The following STAG1 variants were observed in gnomAD, a reference collection of about 807,000 sequenced individuals.
STAG1 encodes the protein cohesin subunit SA-1.
STAG1 carries 26 observed loss-of-function variants against 170.9 expected under a neutral mutation model. That is an observed-to-expected ratio of 0.15 (90% CI 0.11 to 0.21). The LOEUF is 0.21. Among genes scored for constraint, STAG1 ranks in the 10% least tolerant of loss-of-function variants. The pLI is 1.00. For synonymous variants in STAG1, 514 were observed against 497.7 expected (o/e 1.03, Z -0.44); for missense variants, 964 against 1,509.5 (o/e 0.64, Z 5.99).
chr3:136,595,312 C>T (rs956833948), intron 4 of STAG1, among the ~76,000 whole-genome samples: 1 of 152,102 alleles, frequency 6.6e-6, no homozygotes, highest in South Asian at 2.1e-4. Context: ...TGAACGCTAC[C>T]AAGTCAAACA....
chr3:136,668,288 G>A (rs1559940166), intron 1 of STAG1, among the ~76,000 whole-genome samples: 1 of 143,170 alleles, frequency 7.0e-6, no homozygotes, highest in African/African-American at 2.6e-5. Context: ...TATTATACAT[G>A]ATATATAATA....
chr3:136,575,258 TCTTTC>T (rs2107770862), intron 4 of STAG1, among the ~76,000 whole-genome samples: 1 of 152,306 alleles, frequency 6.6e-6, no homozygotes, highest in East Asian at 1.9e-4. Context: ...AGGGTCTCAC[TCTTTC>T]ACCCAGGCTA....
chr3:136,533,818 C>T, intron 6 of STAG1, among the ~76,000 whole-genome samples: 1 of 152,232 alleles, frequency 6.6e-6, no homozygotes, highest in East Asian at 1.9e-4. Flanking sequence ...AAGCAATATA[C>T]AAATTCAATG....
intron 1 of STAG1, among the ~76,000 whole-genome samples, chr3:136,729,698 G>A (rs887761390): frequency 1.3e-5 from 2 of 149,394 alleles, no homozygotes; most frequent in Non-Finnish European, 1.5e-5. Context: ...TCAGCCTCTC[G>A]AGTAGCTGGG....
rs745886329 is a variant in STAG1 at position 136,338,234 on chromosome 3, T to A, written c.*20A>T. ...AGCTCTAAATAATAGAGTTCCAGAT[T>A]TGTAAATTTTCTTCAGACTTCAGAA... On this transcript the variant is annotated 3_prime_UTR_variant, in exon 34 of 34. Coordinates refer to ENST00000383202, the MANE Select transcript of STAG1 (RefSeq NM_005862.3). 1 of 1,575,232 alleles carries A rather than the reference T, an allele frequency of 6.3e-7. No individual in the cohort carries two copies. Among genetic ancestry groups the A allele is most frequent in the Non-Finnish European group, 8.7e-7 (1 of 1,147,222 alleles).
intron 16 of STAG1, among the ~76,000 whole-genome samples, chr3:136,426,682 T>A (rs1355036924): frequency 6.6e-6 from 1 of 152,198 alleles, no homozygotes; most frequent in Admixed American, 6.5e-5. Flanking sequence ...CTCACGCCTG[T>A]AATCCCAGAA....
At chr3:136,587,806 T>C (rs1559894193) in intron 4 of STAG1, among the ~76,000 whole-genome samples, 2 of 151,766 alleles carry the variant, frequency 1.3e-5, no homozygotes, top group Non-Finnish European at 1.5e-5. Flanking sequence ...AACACAAAAA[T>C]TAGCCAGCCA....
intron 5 of STAG1, among the ~76,000 whole-genome samples, chr3:136,551,518 G>A (rs1039575690): frequency 6.8e-6 from 1 of 146,144 alleles, no homozygotes; most frequent in Non-Finnish European, 1.5e-5. Flanking sequence ...CAACTGAAGC[G>A]ATGCCCCCAC....
intron 3 of STAG1, among the ~76,000 whole-genome samples, chr3:136,621,494 C>A (rs988319269): frequency 1.3e-5 from 2 of 152,160 alleles, no homozygotes; most frequent in Admixed American, 1.3e-4. Flanking sequence ...CAACAGCTTC[C>A]AAGTGCAAAA....
At chr3:136,552,539 A>T (rs1936448878) in intron 5 of STAG1, among the ~76,000 whole-genome samples, 1 of 152,206 alleles carries the variant, frequency 6.6e-6, no homozygotes, top group South Asian at 2.1e-4. Flanking sequence ...TATAGAAGCA[A>T]TGCTGAAATC....
chr3:136,605,613 T>C (rs1235891987), intron 3 of STAG1, among the ~76,000 whole-genome samples: 1 of 152,238 alleles, frequency 6.6e-6, no homozygotes, highest in Non-Finnish European at 1.5e-5. Context: ...GTATCTTTTC[T>C]TCTCAGTCCT....
chr3:136,394,298 C>T (rs1426056683), intron 22 of STAG1, among the ~76,000 whole-genome samples: 2 of 152,162 alleles, frequency 1.3e-5, no homozygotes, highest in African/African-American at 2.4e-5. Context: ...ATAGACAGAA[C>T]TGATGTACGA....
chr3:136,532,965 G>C (rs938916742), intron 6 of STAG1, among the ~76,000 whole-genome samples: 3 of 152,108 alleles, frequency 2.0e-5, no homozygotes, highest in Non-Finnish European at 4.4e-5. Flanking sequence ...TTGGAAAAGA[G>C]GAAGTCAAAC....
intron 13 of STAG1, among the ~76,000 whole-genome samples, chr3:136,463,788 C>CATAT (rs1215967982): frequency 7.9e-4 from 102 of 129,560 alleles, no homozygotes; most frequent in African/African-American, 2.5e-3. Flanking sequence ...CACACACACA[C>CATAT]ACATATACAT....
intron 1 of STAG1, among the ~76,000 whole-genome samples, chr3:136,732,899 C>T (rs1014096597): frequency 3.2e-4 from 48 of 151,920 alleles, no homozygotes; most frequent in Admixed American, 2.9e-3. Context: ...TGAGCCACCA[C>T]GCTCGGCCTC....
At chr3:136,646,018 C>G (rs892115660) in intron 1 of STAG1, among the ~76,000 whole-genome samples, 1 of 152,214 alleles carries the variant, frequency 6.6e-6, no homozygotes, top group Non-Finnish European at 1.5e-5. Context: ...CAGCCCGACA[C>G]TTTAACCAAT....
intron 1 of STAG1, among the ~76,000 whole-genome samples, chr3:136,674,033 G>A (rs1166604527): frequency 6.6e-6 from 1 of 150,448 alleles, no homozygotes; most frequent in East Asian, 2.0e-4. Context: ...AACCTGGGAG[G>A]TGGAGGTTGC....
intron 1 of STAG1, among the ~76,000 whole-genome samples, chr3:136,657,177 GTTTC>G (rs1408750234): frequency 2.6e-4 from 30 of 116,024 alleles, no homozygotes; most frequent in Middle Eastern, 5.1e-3. Context: ...TCTCCTACAC[GTTTC>G]TTTCTTTCTT....
chr3:136,463,733 A>ATGTGTG (rs1470936669), intron 13 of STAG1, among the ~76,000 whole-genome samples: 10 of 42,412 alleles, frequency 2.4e-4, no homozygotes, highest in African/African-American at 4.6e-4. Flanking sequence ...AAAAATGTGT[A>ATGTGTG]TATGTGTGTG....
Sources: allele counts gnomAD v4.1 joint callset (sites outside exome capture counted in the v4.1 genomes callset), GRCh38; gene constraint gnomAD v4.1.1; transcripts MANE v1.5; gene names NCBI Gene and HGNC (gene_info 2026-07-23, HGNC 2026-07-21).